The following SCML4 variants were observed in gnomAD, a reference collection of about 807,000 sequenced individuals.
SCML4 encodes the protein sex comb on midleg-like protein 4.
A neutral mutation model predicts 41.1 loss-of-function variants in SCML4; 34 were observed. That is an observed-to-expected ratio of 0.83 (90% CI 0.63 to 1.10). The LOEUF is 1.10. Among genes scored for constraint, SCML4 ranks in the 50% least tolerant of loss-of-function variants. SCML4 has a pLI of 0.00. For missense variants in SCML4, 522 were observed against 534.1 expected (o/e 0.98, Z 0.22); for synonymous variants, 214 against 220.9 (o/e 0.97, Z 0.28).
At chr6:107,825,594 A>G (rs577326949), upstream of SCML4, among the ~76,000 whole-genome samples, 63 of 152,328 alleles carry the variant, frequency 4.1e-4, no homozygotes, top group South Asian at 0.013. Context: ...TTGCATTTTC[A>G]TTTCATATAA....
At chr6:107,835,241 G>A in the SCML4 span, among the ~76,000 whole-genome samples, 2 of 152,004 alleles carry the variant, frequency 1.3e-5, no homozygotes, top group East Asian at 1.9e-4. Flanking sequence ...TGTGCCTGTA[G>A]TCCCAGCTAT....
At chr6:107,754,417 G>A (rs1241778171) in intron 2 of SCML4, among the ~76,000 whole-genome samples, 1 of 152,168 alleles carries the variant, frequency 6.6e-6, no homozygotes, top group African/African-American at 2.4e-5. Context: ...GGTGGCGGCT[G>A]CCATGCCTAT....
intron 5 of SCML4, among the ~76,000 whole-genome samples, chr6:107,734,169 C>A (rs9398139): frequency 1.3e-5 from 2 of 152,078 alleles, no homozygotes; most frequent in Non-Finnish European, 2.9e-5. Context: ...TCCACACCCC[C>A]AAACAGTAGA....
intron 6 of SCML4, among the ~76,000 whole-genome samples, chr6:107,715,592 G>A (rs1774695279): frequency 6.6e-6 from 1 of 152,104 alleles, no homozygotes; most frequent in South Asian, 2.1e-4. Context: ...ATTATATCTT[G>A]GATGAGAGAC....
chr6:107,746,648 G>T, intron 4 of SCML4, 41 bp downstream of exon 4: 1 of 1,559,442 alleles, frequency 6.4e-7, no homozygotes, highest in East Asian at 2.3e-5. Flanking sequence ...TCTGCAGAGA[G>T]ACATCCATGG....
chr6:107,712,154 C>T (rs1042480535), intron 6 of SCML4, among the ~76,000 whole-genome samples: 4 of 152,148 alleles, frequency 2.6e-5, no homozygotes, highest in Non-Finnish European at 5.9e-5. Context: ...CGAGGAATCA[C>T]GGAAATCACA....
At chr6:107,843,560 C>T in the SCML4 span, among the ~76,000 whole-genome samples, 1 of 152,180 alleles carries the variant, frequency 6.6e-6, no homozygotes, top group Non-Finnish European at 1.5e-5. Context: ...CTCCCACACA[C>T]ACACAAGTAC....
intron 2 of SCML4, among the ~76,000 whole-genome samples, chr6:107,756,050 A>G (rs781696895): frequency 4.6e-5 from 7 of 152,242 alleles, no homozygotes; most frequent in Non-Finnish European, 1.0e-4. Flanking sequence ...TGGTTGACTC[A>G]GTAAATAAAA....
intron 1 of SCML4, among the ~76,000 whole-genome samples, chr6:107,794,854 T>G (rs1661711667): frequency 6.6e-6 from 1 of 152,178 alleles, no homozygotes; most frequent in Non-Finnish European, 1.5e-5. Context: ...AGAATCTGTT[T>G]CCTGTCCCTT....
chr6:107,820,118 G>A (rs1784839253), intron 1 of SCML4, among the ~76,000 whole-genome samples: 1 of 152,214 alleles, frequency 6.6e-6, no homozygotes, highest in African/African-American at 2.4e-5. Flanking sequence ...GGATGTTCTT[G>A]TCTGTGTCAG....
intron 2 of SCML4, among the ~76,000 whole-genome samples, chr6:107,763,188 T>G (rs182608403): frequency 6.6e-6 from 1 of 152,060 alleles, no homozygotes; most frequent in Admixed American, 6.6e-5. Flanking sequence ...AGCCTAGATT[T>G]TTGTTTTTTT....
rs1175031889 is a variant in SCML4 at position 107,802,823 on chromosome 6, C to A, written c.-60+21303G>T. On this transcript the variant is annotated intron_variant, in intron 1 of 7. Coordinates refer to ENST00000369020, the MANE Select transcript of SCML4 (RefSeq NM_198081.5). ...AAGCTGGACTGTACTGCTGCCATCT[C>A]GGCTCACTGCAACCTCCCTGCCTGA... 2.6e-5 allele frequency among the ~76,000 whole-genome samples: 4 copies of A among 151,522 alleles called. No homozygotes were observed. In the East Asian group the frequency reaches 7.9e-4, roughly 30 times the overall value.
chr6:107,791,097 C>T (rs1271363267), intron 1 of SCML4, among the ~76,000 whole-genome samples: 2 of 149,796 alleles, frequency 1.3e-5, no homozygotes, highest in East Asian at 2.0e-4. Flanking sequence ...ACTGAACAAG[C>T]CCAGGGTCAC....
chr6:107,733,067 G>C (rs1776717988), intron 5 of SCML4, among the ~76,000 whole-genome samples: 1 of 152,184 alleles, frequency 6.6e-6, no homozygotes, highest in East Asian at 1.9e-4. Context: ...TGACAACCAT[G>C]TGAAAAAGCT....
intron 1 of SCML4, among the ~76,000 whole-genome samples, chr6:107,775,866 G>A (rs1232988011): frequency 6.6e-6 from 1 of 152,052 alleles, no homozygotes; most frequent in Non-Finnish European, 1.5e-5. Context: ...GAAATTAAAT[G>A]AATATTAAAT....
intron 5 of SCML4, among the ~76,000 whole-genome samples, chr6:107,739,017 C>A (rs1288542345): frequency 6.6e-6 from 1 of 152,186 alleles, no homozygotes. Context: ...AAGCTCTTTA[C>A]AATGTCAACT....
chr6:107,801,381 G>C (rs1481548985), intron 1 of SCML4, among the ~76,000 whole-genome samples: 1 of 152,096 alleles, frequency 6.6e-6, no homozygotes, highest in Non-Finnish European at 1.5e-5. Context: ...AGATGGCTCA[G>C]AGGGCGTCTC....
intron 5 of SCML4, among the ~76,000 whole-genome samples, chr6:107,743,047 G>T (rs1221070726): frequency 3.9e-5 from 6 of 152,212 alleles, no homozygotes. Context: ...AGGGGGGATG[G>T]AGTTAAACTG....
At chr6:107,810,623 G>C (rs1327229796) in intron 1 of SCML4, among the ~76,000 whole-genome samples, 2 of 152,156 alleles carry the variant, frequency 1.3e-5, no homozygotes, top group Non-Finnish European at 2.9e-5. Context: ...AGAAACTGTA[G>C]ATGTTTGGTA....
Sources: gnomAD v4.1 joint callset for allele counts (sites outside exome capture counted in the v4.1 genomes callset) on GRCh38, gnomAD v4.1.1 for gene constraint, MANE v1.5 for transcripts, NCBI Gene and HGNC (gene_info 2026-07-23, HGNC 2026-07-21) for gene names.